The following TMEM230 variants were observed in gnomAD, a reference collection of about 807,000 sequenced individuals.
TMEM230 encodes transmembrane protein 230, also known as UPF0414 transmembrane protein C20orf30.
TMEM230 carries 10 observed loss-of-function variants against 15.8 expected under a neutral mutation model. The ratio of observed to expected loss-of-function variants is 0.63; its 90% CI spans 0.39 to 1.07. The LOEUF (loss-of-function observed/expected upper bound fraction) is 1.07. Among genes scored for constraint, TMEM230 ranks in the 50% least tolerant of loss-of-function variants. TMEM230 has a pLI of 0.01. For synonymous variants in TMEM230, 67 were observed against 76.9 expected, an observed-to-expected ratio of 0.87 and a Z score of 0.68; for missense variants, 165 against 193.3, an observed-to-expected ratio of 0.85 and a Z score of 0.87.
At chr20:5,106,089 A>G in intron 4 of TMEM230, 99 bp downstream of exon 3, 2 of 1,386,188 alleles carry the variant, frequency 1.4e-6, no homozygotes, top group South Asian at 1.4e-5. Flanking sequence ...ACACACACAC[A>G]CACACACACA....
chr20:5,070,915 T>G (rs2088801845), intron 3 of TMEM230, among the ~76,000 whole-genome samples: 1 of 152,184 alleles, frequency 6.6e-6, no homozygotes, highest in South Asian at 2.1e-4. Flanking sequence ...CCACTCCTGA[T>G]TAACTTTTTT....
At chr20:5,080,933 G>A (rs2089158873) in intron 3 of TMEM230, among the ~76,000 whole-genome samples, 1 of 152,178 alleles carries the variant, frequency 6.6e-6, no homozygotes, top group Non-Finnish European at 1.5e-5. Flanking sequence ...TCCATGAACT[G>A]TCTGTTACTG....
chr20:5,084,734 A>G (rs2089286422), intron 3 of TMEM230, among the ~76,000 whole-genome samples: 1 of 152,014 alleles, frequency 6.6e-6, no homozygotes, highest in African/African-American at 2.4e-5. Flanking sequence ...GGGTTTCACC[A>G]TGTTGGCCAG....
At chr20:5,069,355 A>G in intron 3 of TMEM230, 1 of 1,528,848 alleles carries the variant, frequency 6.5e-7, no homozygotes, top group Non-Finnish European at 8.7e-7. Context: ...AGACTCTGAG[A>G]AAGAAACACC....
chr20:5,077,944 A>T (rs1162958162), intron 3 of TMEM230, among the ~76,000 whole-genome samples: 1 of 152,184 alleles, frequency 6.6e-6, no homozygotes, highest in African/African-American at 2.4e-5. Flanking sequence ...TAAGGAGAAA[A>T]ATGAATCAGG....
intron 3 of TMEM230, among the ~76,000 whole-genome samples, chr20:5,073,709 C>T (rs938817913): frequency 6.6e-6 from 1 of 152,242 alleles, no homozygotes; most frequent in Non-Finnish European, 1.5e-5. Flanking sequence ...CACTCTTAGA[C>T]TGTCCTCCTT....
At chr20:5,105,856 T>C (rs1013280374) in intron 4 of TMEM230, among the ~76,000 whole-genome samples, 1 of 152,060 alleles carries the variant, frequency 6.6e-6, no homozygotes, top group African/African-American at 2.4e-5. Context: ...CTGGGCAACA[T>C]AGTGAAACCC....
chr20:5,061,884 A>G, the TMEM230 span, among the ~76,000 whole-genome samples: 1 of 152,092 alleles, frequency 6.6e-6, no homozygotes. Context: ...TCTATTACAG[A>G]TTAGTTTGGG....
At chr20:5,092,619 G>A (rs901385898) in intron 3 of TMEM230, among the ~76,000 whole-genome samples, 10 of 151,822 alleles carry the variant, frequency 6.6e-5, no homozygotes, top group Admixed American at 5.9e-4. Context: ...GGGAGGTTGA[G>A]GCAGGAGAAT....
intron 3 of TMEM230, among the ~76,000 whole-genome samples, chr20:5,074,058 T>C (rs2088911303): frequency 6.6e-6 from 1 of 152,126 alleles, no homozygotes; most frequent in African/African-American, 2.4e-5. Flanking sequence ...AACCAGATCT[T>C]GCCTGAACTC....
intron 3 of TMEM230, among the ~76,000 whole-genome samples, chr20:5,087,012 T>G (rs940611446): frequency 2.6e-5 from 4 of 152,162 alleles, no homozygotes; most frequent in Admixed American, 2.0e-4. Context: ...TCGCTGGGAC[T>G]TCAGGCATGC....
chr20:5,107,315 C>T (rs1259807742), intron 3 of TMEM230, among the ~76,000 whole-genome samples: 1 of 151,894 alleles, frequency 6.6e-6, no homozygotes, highest in Non-Finnish European at 1.5e-5. Context: ...ACAACAACAG[C>T]AAAAACAGGA....
At chr20:5,064,446 C>T (rs2088632932), downstream of TMEM230, among the ~76,000 whole-genome samples, 3 of 151,612 alleles carry the variant, frequency 2.0e-5, no homozygotes, top group South Asian at 4.2e-4. Flanking sequence ...TGTGGTGGGG[C>T]GTGGGTGTAA....
downstream of TMEM230, among the ~76,000 whole-genome samples, chr20:5,097,969 ATTTTTTTTTTTT>A (rs5840073): frequency 1.8e-4 from 12 of 67,254 alleles, no homozygotes; most frequent in Middle Eastern, 0.019. Flanking sequence ...CTAACTCAGG[ATTTTTTTTTTTT>A]TTTTTTTTTT....
At chr20:5,091,279 G>C (rs944491241) in intron 3 of TMEM230, among the ~76,000 whole-genome samples, 2 of 152,054 alleles carry the variant, frequency 1.3e-5, no homozygotes, top group Non-Finnish European at 2.9e-5. Context: ...GGAGTGCAAT[G>C]GGCTCACGGC....
At chr20:5,096,259 T>C (rs2089662198), downstream of TMEM230, among the ~76,000 whole-genome samples, 1 of 152,250 alleles carries the variant, frequency 6.6e-6, no homozygotes, top group Non-Finnish European at 1.5e-5. Flanking sequence ...CTCTTTACTT[T>C]CTCAAACAGC....
At chr20:5,097,968 G>A (rs960518365), downstream of TMEM230, among the ~76,000 whole-genome samples, 7 of 104,484 alleles carry the variant, frequency 6.7e-5, no homozygotes, top group African/African-American at 2.3e-4. Context: ...TCTAACTCAG[G>A]ATTTTTTTTT....
intron 4 of TMEM230, among the ~76,000 whole-genome samples, chr20:5,103,837 T>C (rs1230944668): frequency 6.6e-6 from 1 of 152,050 alleles, no homozygotes; most frequent in Non-Finnish European, 1.5e-5. Flanking sequence ...ATGAAACTAC[T>C]ATAAGAAAAC....
At chr20:5,096,446 A>G (rs570075639), downstream of TMEM230, among the ~76,000 whole-genome samples, 11 of 152,338 alleles carry the variant, frequency 7.2e-5, no homozygotes, top group African/African-American at 2.4e-4. Flanking sequence ...CTAGGAGAGA[A>G]GCCTCAGGAT....
Sources: gnomAD v4.1 joint callset for allele counts (sites outside exome capture counted in the v4.1 genomes callset) on GRCh38, gnomAD v4.1.1 for gene constraint, MANE v1.5 for transcripts, NCBI Gene and HGNC (gene_info 2026-07-23, HGNC 2026-07-21) for gene names.